ELAPOR2: variants seen among roughly 807,000 people sequenced by gnomAD.
ELAPOR2 encodes endosome/lysosome-associated apoptosis and autophagy regulator family member 2.
Under a neutral mutation model 120.7 loss-of-function variants are expected in ELAPOR2, and 89 were observed. The observed-to-expected ratio is 0.74, with a 90% confidence interval of 0.62 to 0.88. The LOEUF (loss-of-function observed/expected upper bound fraction) is 0.88. Among genes scored for constraint, ELAPOR2 ranks in the 40% least tolerant of loss-of-function variants. The pLI, the probability that ELAPOR2 is intolerant of heterozygous loss-of-function variation, is 0.00. For synonymous variants in ELAPOR2, 444 were observed against 444.9 expected (o/e 1.00, Z 0.03); for missense variants, 1,134 against 1,251.6 (o/e 0.91, Z 1.42).
At chr7:87,045,740 C>T (rs1584040357) in intron 1 of ELAPOR2, among the ~76,000 whole-genome samples, 1 of 150,958 alleles carries the variant, frequency 6.6e-6, no homozygotes, top group Non-Finnish European at 1.5e-5. Context: ...CACATGTACC[C>T]TAAAACTTAA....
At chr7:86,999,205 T>C (rs1793229407) in intron 1 of ELAPOR2, among the ~76,000 whole-genome samples, 1 of 152,146 alleles carries the variant, frequency 6.6e-6, no homozygotes, top group African/African-American at 2.4e-5. Context: ...CATTTTCTAG[T>C]GGGCTACATA....
At chr7:86,899,771 C>T (rs1055129531) in intron 18 of ELAPOR2, among the ~76,000 whole-genome samples, 7 of 151,882 alleles carry the variant, frequency 4.6e-5, no homozygotes, top group Middle Eastern at 3.4e-3. Context: ...AGGCCCTATG[C>T]CATATGTCAG....
At chr7:86,993,234 CAAAA>C (rs1159917841) in intron 1 of ELAPOR2, among the ~76,000 whole-genome samples, 5 of 57,142 alleles carry the variant, frequency 8.8e-5, no homozygotes, top group African/African-American at 2.9e-4. Flanking sequence ...GACTCCATCT[CAAAA>C]AAAAAAAAAA....
rs554550596 is a variant in ELAPOR2, at chr7:86,986,440, A to AAAAAAAAAAAG, written c.190-21417_190-21416insCTTTTTTTTTT. 3.4e-4 allele frequency among the ~76,000 whole-genome samples: 25 copies of AAAAAAAAAAAG among 74,428 alleles called. 4 individuals carry two copies. The highest frequency in any genetic ancestry group is 1.9e-3 in the African/African-American group (25 of 13,140). 48.8% of individuals were successfully genotyped at this position (74,428 alleles called of 152,430 possible). ...CGAGACTCCGTCTCAAAAAAAAAAA[A>AAAAAAAAAAAG]AAAGAAAACCCCATTGTCTCAGCCC... On this transcript the variant is annotated intron_variant, in intron 1 of 21. Coordinates refer to ENST00000450689, the MANE Select transcript of ELAPOR2 (RefSeq NM_001142749.3).
intron 1 of ELAPOR2, among the ~76,000 whole-genome samples, chr7:86,992,395 C>T (rs1272208887): frequency 6.6e-6 from 1 of 152,098 alleles, no homozygotes; most frequent in Non-Finnish European, 1.5e-5. Context: ...CGTGCCACTG[C>T]ACTCCAGCAT....
At position 87,018,331 on chromosome 7, in the gene ELAPOR2, G is replaced by A. The variant is rs577211962; in HGVS notation, c.189+40994C>T. On this transcript the variant is annotated intron_variant, in intron 1 of 21. Coordinates refer to ENST00000450689, the MANE Select transcript of ELAPOR2 (RefSeq NM_001142749.3). The stretch of plus-strand genomic sequence containing the variant: ...TGTGATTACAGGCGCGAGCCACCAC[G>A]CCCGGCCAGAAAAGTCACTTCTAAT... Among the ~76,000 whole-genome samples the A allele has an allele frequency of 1.6e-4, 25 of 152,104 alleles. No individual in the cohort carries two copies. The South Asian group carries it at 4.4e-3, about 27-fold the overall frequency.
intron 1 of ELAPOR2, among the ~76,000 whole-genome samples, chr7:87,031,688 C>T (rs911242705): frequency 1.3e-5 from 2 of 152,116 alleles, no homozygotes; most frequent in Non-Finnish European, 2.9e-5. Context: ...TTATAAAGAA[C>T]TTACTGGAGT....
intron 2 of ELAPOR2, among the ~76,000 whole-genome samples, chr7:86,962,293 A>G (rs2116469883): frequency 6.6e-6 from 1 of 152,314 alleles, no homozygotes; most frequent in African/African-American, 2.4e-5. Context: ...AGAGATACCC[A>G]ATTACATTTT....
chr7:86,920,224 A>G (rs113917537), intron 10 of ELAPOR2, among the ~76,000 whole-genome samples: 1 of 152,170 alleles, frequency 6.6e-6, no homozygotes, highest in East Asian at 1.9e-4. Context: ...CTTAAAAATA[A>G]TATGTACTAA....
intron 19 of ELAPOR2, among the ~76,000 whole-genome samples, chr7:86,895,623 T>C (rs1329749559): frequency 6.6e-6 from 1 of 152,058 alleles, no homozygotes; most frequent in Admixed American, 6.6e-5. Context: ...TTCTCAACAA[T>C]CTTATAATAC....
chr7:87,043,380 G>A (rs1353449542), intron 1 of ELAPOR2, among the ~76,000 whole-genome samples: 14 of 150,626 alleles, frequency 9.3e-5, no homozygotes, highest in African/African-American at 2.9e-4. Flanking sequence ...CTGGCAAACC[G>A]AATCCAGCAG....
chr7:87,028,025 TA>T (rs1460121539), intron 1 of ELAPOR2, among the ~76,000 whole-genome samples: 1 of 152,192 alleles, frequency 6.6e-6, no homozygotes, highest in Non-Finnish European at 1.5e-5. Context: ...CAACAGCTGC[TA>T]TTCTTAGAAC....
intron 2 of ELAPOR2, among the ~76,000 whole-genome samples, chr7:86,955,540 A>T (rs1419876164): frequency 2.0e-5 from 3 of 152,166 alleles, no homozygotes; most frequent in Non-Finnish European, 4.4e-5. Flanking sequence ...ATAGTGGCAG[A>T]CATTGCAATA....
chr7:86,905,362 T>G (rs1562910545), intron 18 of ELAPOR2, among the ~76,000 whole-genome samples: 1 of 151,400 alleles, frequency 6.6e-6, no homozygotes, highest in Non-Finnish European at 1.5e-5. Context: ...ACCTAATAAT[T>G]TCAGGAAAGC....
chr7:86,918,738 C>T (rs1328663439), intron 11 of ELAPOR2, among the ~76,000 whole-genome samples, 194 bp from the exon 12 acceptor site: 1 of 152,078 alleles, frequency 6.6e-6, no homozygotes, highest in African/African-American at 2.4e-5. Context: ...GTCCACATAA[C>T]GATGGTAATA....
At chr7:87,005,444 C>T (rs955069281) in intron 1 of ELAPOR2, among the ~76,000 whole-genome samples, 7 of 152,046 alleles carry the variant, frequency 4.6e-5, no homozygotes, top group Admixed American at 4.6e-4. Context: ...CACCTAACAG[C>T]AAAAAACACA....
intron 2 of ELAPOR2, among the ~76,000 whole-genome samples, chr7:86,948,154 A>G (rs1479498462): frequency 6.6e-6 from 1 of 152,160 alleles, no homozygotes; most frequent in Non-Finnish European, 1.5e-5. Context: ...TATCATTCCC[A>G]AAATATTTCA....
At chr7:87,006,150 A>G (rs1793462150) in intron 1 of ELAPOR2, among the ~76,000 whole-genome samples, 1 of 152,162 alleles carries the variant, frequency 6.6e-6, no homozygotes, top group Admixed American at 6.5e-5. Context: ...GCTAAAATTT[A>G]CCAGAATGAG....
chr7:87,006,301 G>A lies in ELAPOR2; in HGVS notation c.190-41277C>T, dbSNP rs1793472212. Among the ~76,000 whole-genome samples, 6 of 142,198 alleles carry A rather than the reference G, an allele frequency of 4.2e-5. No homozygotes were observed. The South Asian group carries it at 1.3e-3, about 32-fold the overall frequency. 93.3% of individuals were successfully genotyped at this position (142,198 alleles called of 152,430 possible). On this transcript the variant is annotated intron_variant, in intron 1 of 21. Coordinates refer to ENST00000450689, the MANE Select transcript of ELAPOR2 (RefSeq NM_001142749.3). ...AGTAATTTAATCATTGGTTGCCAGG[G>A]AAATGCAAATTAAAATCGCGATGAG...
Sources: gnomAD v4.1 joint callset for allele counts (sites outside exome capture counted in the v4.1 genomes callset) on GRCh38, gnomAD v4.1.1 for gene constraint, MANE v1.5 for transcripts, NCBI Gene and HGNC (gene_info 2026-07-23, HGNC 2026-07-21) for gene names.